FARS2: variants seen among roughly 807,000 people sequenced by gnomAD.
FARS2 encodes phenylalanyl-tRNA synthetase 2, mitochondrial.
In FARS2, 40 loss-of-function variants were observed where a neutral mutation model predicts 46.4. The ratio of observed to expected loss-of-function variants is 0.86; its 90% CI spans 0.67 to 1.12. The LOEUF is 1.12. FARS2 is among the 50% of genes most tolerant of loss of function. FARS2 has a pLI of 0.00. For missense variants in FARS2, 513 were observed against 567.9 expected (o/e 0.90, Z 0.98); for synonymous variants, 234 against 214.9 (o/e 1.09, Z -0.78).
chr6:5,702,233 C>T (rs1294004109), intron 6 of FARS2, among the ~76,000 whole-genome samples: 2 of 152,134 alleles, frequency 1.3e-5, no homozygotes, highest in African/African-American at 4.8e-5. Flanking sequence ...GGGAAAAACA[C>T]ATTTTAGTAT....
intron 3 of FARS2, among the ~76,000 whole-genome samples, chr6:5,420,614 C>T (rs181459515): frequency 9.2e-5 from 14 of 152,320 alleles, no homozygotes; most frequent in South Asian, 2.1e-4. Flanking sequence ...TCTCCTTCAA[C>T]GCCATGTCTC....
chr6:5,363,732 T>C (rs554724888), intron 1 of FARS2, among the ~76,000 whole-genome samples: 5 of 152,326 alleles, frequency 3.3e-5, no homozygotes, highest in East Asian at 1.9e-4. Context: ...CCCTGACTTC[T>C]GTGCTGTGGC....
At chr6:5,347,878 G>T (rs1757338286) in intron 1 of FARS2, among the ~76,000 whole-genome samples, 1 of 152,174 alleles carries the variant, frequency 6.6e-6, no homozygotes, top group South Asian at 2.1e-4. Context: ...AATAATGATG[G>T]TGATAACTAA....
chr6:5,391,388 G>A (rs557584175), intron 2 of FARS2, among the ~76,000 whole-genome samples: 1 of 152,294 alleles, frequency 6.6e-6, no homozygotes, highest in Admixed American at 6.5e-5. Flanking sequence ...TGTAAGATAA[G>A]CACTCAGCAA....
At chr6:5,403,055 G>A (rs1327543608) in intron 2 of FARS2, among the ~76,000 whole-genome samples, 1 of 152,126 alleles carries the variant, frequency 6.6e-6, no homozygotes, top group African/African-American at 2.4e-5. Flanking sequence ...AAGGCATTGT[G>A]TTCAATAGTT....
chr6:5,439,221 G>T (rs73352429), intron 4 of FARS2, among the ~76,000 whole-genome samples: 2,848 of 152,304 alleles, frequency 0.019, 83 homozygotes, highest in African/African-American at 0.065. Context: ...TGGAGTCTGT[G>T]CTGTGCGTGT....
intron 6 of FARS2, among the ~76,000 whole-genome samples, chr6:5,762,658 G>C (rs760932414): frequency 6.6e-6 from 1 of 152,250 alleles, no homozygotes; most frequent in Non-Finnish European, 1.5e-5. Flanking sequence ...CGTTGCCGAC[G>C]TGTGCTGGCT....
In FARS2 at chr6:5,765,848, A is replaced by G. The variant is rs1363156227; in HGVS notation, c.1218-5443A>G. 1.3e-5 allele frequency among the ~76,000 whole-genome samples: 2 copies of G among 152,134 alleles called. No homozygotes were observed. The highest frequency in any genetic ancestry group is 2.9e-5 in the Non-Finnish European group (2 of 68,018). ...CCCTTCATGTGCTTCTCTGTGTCCA[A>G]CTCAGTGACTGAAACATGCTGTTTG... On this transcript the variant is annotated intron_variant, in intron 6 of 6. Coordinates refer to ENST00000274680, the MANE Select transcript of FARS2 (RefSeq NM_006567.5). The surrounding 1 kb of genome is among the most constrained non-coding windows in gnomAD (Gnocchi z 4.0).
Position 5,591,972 on chromosome 6 carries a change from T to C in FARS2, c.1066-21197T>C, listed in dbSNP as rs1279838843. On this transcript the variant is annotated intron_variant, in intron 5 of 6. Coordinates refer to ENST00000274680, the MANE Select transcript of FARS2 (RefSeq NM_006567.5). ...TAGCTTTCTATACATATTTGTTGAATTAATGAGTCAAGAGAAAAGGAAGAC... is the reference window on the plus strand; with the variant it reads ...TAGCTTTCTATACATATTTGTTGAACTAATGAGTCAAGAGAAAAGGAAGAC... Among the ~76,000 whole-genome samples the C allele has an allele frequency of 2.6e-5, 4 of 152,354 alleles. No homozygotes were observed. In the East Asian group the frequency reaches 7.7e-4, roughly 29 times the overall value.
intron 4 of FARS2, among the ~76,000 whole-genome samples, chr6:5,487,713 G>T (rs970250775): frequency 6.6e-6 from 1 of 152,166 alleles, no homozygotes; most frequent in African/African-American, 2.4e-5. Flanking sequence ...ATGTAGGTAC[G>T]TGGCTTTAAT....
At chr6:5,598,346 G>T (rs769085434) in intron 5 of FARS2, among the ~76,000 whole-genome samples, 1 of 152,154 alleles carries the variant, frequency 6.6e-6, no homozygotes, top group African/African-American at 2.4e-5. Flanking sequence ...ATGTACCACT[G>T]CACTCCAGCC....
intron 4 of FARS2, among the ~76,000 whole-genome samples, chr6:5,532,899 C>T (rs1033217375): frequency 2.0e-5 from 3 of 152,070 alleles, no homozygotes; most frequent in African/African-American, 7.2e-5. Flanking sequence ...TCCTAGAAGT[C>T]AACCCTTTTG....
intron 6 of FARS2, among the ~76,000 whole-genome samples, chr6:5,680,760 A>G (rs1308950424): frequency 1.4e-5 from 2 of 140,204 alleles, no homozygotes; most frequent in Admixed American, 7.1e-5. Flanking sequence ...TTTTGCTTCT[A>G]CAAAGTACTG....
intron 6 of FARS2, among the ~76,000 whole-genome samples, chr6:5,640,777 A>T (rs537591680): frequency 6.6e-6 from 1 of 152,354 alleles, no homozygotes; most frequent in South Asian, 2.1e-4. Context: ...AATCAATGCT[A>T]TTTCTGTAAA....
At chr6:5,619,628 C>G (rs1401557676) in intron 6 of FARS2, among the ~76,000 whole-genome samples, 1 of 151,906 alleles carries the variant, frequency 6.6e-6, no homozygotes, top group Non-Finnish European at 1.5e-5. Context: ...TATAATTTGG[C>G]TTAAGTGGGT....
In FARS2 at chr6:5,280,796, T is replaced by G. The variant is rs530245383; in HGVS notation, c.-22+19136T>G. Among the ~76,000 whole-genome samples the G allele has an allele frequency of 3.9e-5, 6 of 152,080 alleles. 1 individual carries two copies. Among genetic ancestry groups the G allele is most frequent in the South Asian group, 2.1e-4 (1 of 4,816 alleles). ...TTCGCAGCCTCAGAAAGTATGTAGG[T>G]TTACAGTAAATTATACACTGTGTAT... On this transcript the variant is annotated intron_variant, in intron 1 of 6. Coordinates refer to ENST00000274680, the MANE Select transcript of FARS2 (RefSeq NM_006567.5).
chr6:5,390,074 G>A (rs1232185285), intron 2 of FARS2, among the ~76,000 whole-genome samples: 1 of 152,140 alleles, frequency 6.6e-6, no homozygotes, highest in African/African-American at 2.4e-5. Context: ...ATGTTGGCCA[G>A]GCTGGTCTTG....
intron 1 of FARS2, among the ~76,000 whole-genome samples, chr6:5,296,731 A>T (rs1343872986): frequency 6.6e-6 from 1 of 152,178 alleles, no homozygotes; most frequent in Non-Finnish European, 1.5e-5. Context: ...TGGTTCATCC[A>T]TGTCGTATCA....
At chr6:5,545,434 T>C (rs1236837264) in intron 5 of FARS2, 94 bp downstream of exon 5, 3 of 908,498 alleles carry the variant, frequency 3.3e-6, no homozygotes, top group Non-Finnish European at 4.8e-6. Context: ...AATTTTATTT[T>C]ATTTATTTTA....
Sources: gnomAD v4.1 joint callset for allele counts (sites outside exome capture counted in the v4.1 genomes callset) on GRCh38, gnomAD v4.1.1 for gene constraint, Gnocchi (gnomAD v3.1) non-coding constraint, MANE v1.5 for transcripts, NCBI Gene and HGNC (gene_info 2026-07-23, HGNC 2026-07-21) for gene names.